CNTN1: variants seen among roughly 807,000 people sequenced by gnomAD.
The protein encoded by CNTN1 is contactin 1.
CNTN1 carries 38 observed loss-of-function variants against 126.4 expected under a neutral mutation model. That is an observed-to-expected ratio of 0.30 (90% CI 0.23 to 0.39). The LOEUF (loss-of-function observed/expected upper bound fraction) is 0.39. CNTN1 is among the 10% of genes least tolerant of loss of function. CNTN1 has a pLI of 1.00. For synonymous variants in CNTN1, 413 were observed against 422.6 expected, an observed-to-expected ratio of 0.98 and a Z score of 0.28; for missense variants, 1,009 against 1,248.4, an observed-to-expected ratio of 0.81 and a Z score of 2.89.
intron 1 of CNTN1, among the ~76,000 whole-genome samples, chr12:40,694,392 C>T (rs1941393668): frequency 6.6e-6 from 1 of 152,158 alleles, no homozygotes; most frequent in African/African-American, 2.4e-5. Context: ...CTGATGACAA[C>T]CTTTCCATTT....
intron 1 of CNTN1, among the ~76,000 whole-genome samples, chr12:40,709,309 T>C (rs1941850534): frequency 6.6e-6 from 1 of 152,164 alleles, no homozygotes; most frequent in Non-Finnish European, 1.5e-5. Flanking sequence ...GTCTCAACAG[T>C]GGGCTTAAAA....
rs138493484 is a variant in CNTN1, at chr12:40,867,880, T to TTTATTATTATTA, written c.-76-40459_-76-40448dup. ...AGGGAGAGAAGATGGGCTTTCTGAG[T>TTTATTATTATTA]TTATTATTATTATTATTATTATTAT... On this transcript the variant is annotated intron_variant, in intron 1 of 23. Coordinates refer to ENST00000551295, the MANE Select transcript of CNTN1 (RefSeq NM_001843.4). Among the ~76,000 whole-genome samples, 842 of 148,224 alleles carry TTTATTATTATTA rather than the reference T, an allele frequency of 5.7e-3. 14 individuals are homozygous for TTTATTATTATTA. Among genetic ancestry groups the TTTATTATTATTA allele is most frequent in the African/African-American group, 0.02 (811 of 40,666 alleles).
At chr12:40,950,100 GTGTGTGTGTGT>G (rs1566019884) in intron 14 of CNTN1, among the ~76,000 whole-genome samples, 46 of 7,614 alleles carry the variant, frequency 6.0e-3, no homozygotes, top group South Asian at 0.056. Flanking sequence ...TTGAGAGGGT[GTGTGTGTGTGT>G]GTGTGTGTGT....
intron 1 of CNTN1, among the ~76,000 whole-genome samples, chr12:40,855,732 T>C (rs189769234): frequency 6.6e-6 from 1 of 152,264 alleles, no homozygotes; most frequent in Admixed American, 6.5e-5. Context: ...ATGTATAGCT[T>C]AATGTAACAG....
chr12:41,035,760 T>C lies in CNTN1; in HGVS notation c.2980+6541T>C, dbSNP rs111232846. ...GTGTGGGTAAAGGAAGAGCTTGTCA[T>C]GTCAAGGACCTGAAAGGAGGCTGGT... On this transcript the variant is annotated intron_variant, in intron 23 of 23. Transcript: ENST00000551295. Among the ~76,000 whole-genome samples the C allele has an allele frequency of 3.9e-3, 600 of 152,236 alleles. 7 individuals carry two copies. The highest frequency in any genetic ancestry group is 0.014 in the African/African-American group (577 of 41,570).
chr12:40,857,234 T>C (rs973802544), intron 1 of CNTN1, among the ~76,000 whole-genome samples: 4 of 151,886 alleles, frequency 2.6e-5, no homozygotes, highest in African/African-American at 4.8e-5. Flanking sequence ...TCAATTTTAA[T>C]AACAAATCTA....
chr12:40,707,043 T>TGC (rs1380753834), intron 1 of CNTN1, among the ~76,000 whole-genome samples: 37 of 44,446 alleles, frequency 8.3e-4, no homozygotes, highest in African/African-American at 3.0e-3. Context: ...CGCGCGCGCT[T>TGC]GCGCACACAC....
At chr12:40,924,498 A>G in intron 5 of CNTN1, 59 bp from the exon 6 acceptor site, 6 of 898,544 alleles carry the variant, frequency 6.7e-6, no homozygotes, top group Non-Finnish European at 1.1e-5. Context: ...AAATTGATGA[A>G]TGTCTCTCTT....
intron 1 of CNTN1, among the ~76,000 whole-genome samples, chr12:40,794,617 A>G (rs572594728): frequency 1.3e-5 from 2 of 152,228 alleles, no homozygotes; most frequent in East Asian, 3.9e-4. Flanking sequence ...TGTCTTTATT[A>G]AAATGGAACT....
At chr12:41,060,026 A>G (rs1180767124) in intron 23 of CNTN1, among the ~76,000 whole-genome samples, 1 of 152,154 alleles carries the variant, frequency 6.6e-6, no homozygotes, top group Non-Finnish European at 1.5e-5. Context: ...TGTCGGAAAA[A>G]AAAAATGAAC....
At chr12:40,818,876 T>C (rs903544966) in intron 1 of CNTN1, among the ~76,000 whole-genome samples, 2 of 152,166 alleles carry the variant, frequency 1.3e-5, no homozygotes, top group Non-Finnish European at 2.9e-5. Context: ...TTTGTTTTTG[T>C]TGTTGATGCT....
chr12:40,697,348 T>A (rs1239076796), intron 1 of CNTN1, among the ~76,000 whole-genome samples: 1 of 152,212 alleles, frequency 6.6e-6, no homozygotes, highest in Non-Finnish European at 1.5e-5. Context: ...ATTGTTCCTA[T>A]GATTTTGGAT....
chr12:40,863,933 TC>T lies in CNTN1; in HGVS notation c.-76-44421del, dbSNP rs1286507958. 4.5e-4 allele frequency among the ~76,000 whole-genome samples: 62 copies of T among 138,808 alleles called. 1 individual carries two copies. The East Asian group carries it at 5.8e-3, about 13-fold the overall frequency. The allele number at this position is 138,808 out of a possible 152,430, so 91.1% of individuals were successfully genotyped here. A position where few individuals can be genotyped will look rare whatever the true frequency, so the allele number is the denominator to read the frequency against. On this transcript the variant is annotated intron_variant, in intron 1 of 23. Transcript: ENST00000551295. ...CGACCTTCCTTCCTTCCTTCCTCCCTCCCTCCCTCCCTCCCTCCCTCTCTTC... is the reference window on the plus strand; with the variant it reads ...CGACCTTCCTTCCTTCCTTCCTCCCTCCTCCCTCCCTCCCTCCCTCTCTTC...
chr12:40,932,260 T>C (rs1321449023), intron 7 of CNTN1, among the ~76,000 whole-genome samples: 4 of 151,950 alleles, frequency 2.6e-5, no homozygotes, highest in Non-Finnish European at 5.9e-5. Context: ...TCCCCCATAC[T>C]GTTCTTGTGG....
At chr12:40,900,170 A>T (rs1944556890) in intron 1 of CNTN1, among the ~76,000 whole-genome samples, 1 of 152,210 alleles carries the variant, frequency 6.6e-6, no homozygotes, top group East Asian at 1.9e-4. Context: ...CTGACTGCTT[A>T]CATTTTTGTA....
intron 1 of CNTN1, among the ~76,000 whole-genome samples, chr12:40,743,014 A>G (rs7138084): frequency 0.14 from 21,621 of 152,140 alleles, 1,777 homozygotes; most frequent in African/African-American, 0.22. Context: ...AAACTGTATT[A>G]TGGGAATGCG....
intron 17 of CNTN1, among the ~76,000 whole-genome samples, chr12:41,008,859 A>G (rs1948574013): frequency 6.6e-6 from 1 of 152,176 alleles, no homozygotes; most frequent in South Asian, 2.1e-4. Flanking sequence ...CTTTGCACCA[A>G]ACGGTAGCAT....
intron 17 of CNTN1, among the ~76,000 whole-genome samples, chr12:41,005,395 T>C (rs7311590): frequency 0.26 from 38,839 of 152,064 alleles, 5,396 homozygotes; most frequent in South Asian, 0.35. Context: ...AAAAATATGA[T>C]GATTATGTGT....
chr12:40,725,401 C>CAAAAAAAAAAAAAAAAAAAAAAGAAAAA (rs1942325662), intron 1 of CNTN1, among the ~76,000 whole-genome samples: 1 of 45,334 alleles, frequency 2.2e-5, no homozygotes, highest in African/African-American at 9.1e-5. Flanking sequence ...AACTCTGTCT[C>CAAAAAAAAAAAAAAAAAAAAAAGAAAAA]AAAAAAAAAA....
Sources: gnomAD v4.1 joint callset for allele counts (sites outside exome capture counted in the v4.1 genomes callset) on GRCh38, gnomAD v4.1.1 for gene constraint, MANE v1.5 for transcripts, NCBI Gene and HGNC (gene_info 2026-07-23, HGNC 2026-07-21) for gene names.